TMPRSS7: variants seen among roughly 807,000 people sequenced by gnomAD.
TMPRSS7 encodes transmembrane protease serine 7.
In TMPRSS7, 81 loss-of-function variants were observed where a neutral mutation model predicts 95.6. The ratio of observed to expected loss-of-function variants is 0.85; its 90% CI spans 0.71 to 1.02. The LOEUF is 1.02. Among genes scored for constraint, TMPRSS7 ranks in the 50% least tolerant of loss-of-function variants. The pLI, the probability that TMPRSS7 is intolerant of heterozygous loss-of-function variation, is 0.00. For synonymous variants in TMPRSS7, 364 were observed against 337.8 expected (o/e 1.08, Z -0.85); for missense variants, 945 against 955.2 (o/e 0.99, Z 0.14).
intron 17 of TMPRSS7, 103 bp from the exon 18 acceptor site, chr3:112,080,809 CAT>C: frequency 8.9e-7 from 1 of 1,125,284 alleles, no homozygotes; most frequent in East Asian, 2.8e-5. Flanking sequence ...CAAGCAAAAA[CAT>C]GTCATTAGAG....
chr3:112,049,866 TTAA>T, exon 8 of TMPRSS7: 4 of 1,541,928 alleles, frequency 2.6e-6, no homozygotes, highest in Non-Finnish European at 3.5e-6. Context: ...CACAAGAACA[TTAA>T]TGTCATTTGT....
At chr3:112,078,603 G>A in intron 16 of TMPRSS7, 139 bp from the exon 17 acceptor site, 1 of 1,112,778 alleles carries the variant, frequency 9.0e-7, no homozygotes, top group Non-Finnish European at 1.3e-6. Flanking sequence ...GCAAAATGAG[G>A]ATAATAGTAG....
intron 10 of TMPRSS7, among the ~76,000 whole-genome samples, chr3:112,058,775 T>C (rs1196047815): frequency 6.6e-6 from 1 of 152,226 alleles, no homozygotes; most frequent in African/African-American, 2.4e-5. Flanking sequence ...GATGTGTTTA[T>C]TGCTGCCTAA....
At position 112,045,947 on chromosome 3, in the gene TMPRSS7, A is replaced by G. The variant is rs1305483591; in HGVS notation, c.691+4A>G. On this transcript the variant is annotated splice_donor_region_variant and intron_variant, in intron 5 of 17. Coordinates refer to ENST00000452346, the Ensembl canonical transcript of TMPRSS7. ...ATGGACTCTGTGGTACTAAATGGTGATTGTTGGGTAATTTTCCTTTAGCAT... is the reference window on the plus strand; with the variant it reads ...ATGGACTCTGTGGTACTAAATGGTGGTTGTTGGGTAATTTTCCTTTAGCAT... The G allele has an allele frequency of 6.5e-7, 1 of 1,543,744 alleles. No homozygotes were observed. The highest frequency in any genetic ancestry group is 8.7e-7 in the Non-Finnish European group (1 of 1,142,994).
chr3:112,052,412 C>A (rs1165679454), intron 9 of TMPRSS7, among the ~76,000 whole-genome samples: 2 of 151,772 alleles, frequency 1.3e-5, no homozygotes, highest in Non-Finnish European at 2.9e-5. Context: ...AAAATAATTT[C>A]ATTACTCTAC....
At position 112,042,058 on chromosome 3, in the gene TMPRSS7, G is replaced by A. The variant is rs1416047089; in HGVS notation, c.429+8G>A. ...CGGACTGTGCAGCAAGTGGTGAGGC[G>A]ATGGAGGTAGAGGGTATTAGGGTAG... On this transcript the variant is annotated splice_region_variant and intron_variant, in intron 3 of 17. Transcript: ENST00000452346. 9.0e-6 allele frequency: 14 copies of A among 1,550,840 alleles called. No homozygotes were observed. Among genetic ancestry groups the A allele is most frequent in the South Asian group, 2.4e-5 (2 of 84,034 alleles).
intron 10 of TMPRSS7, among the ~76,000 whole-genome samples, chr3:112,061,550 G>C (rs973879002): frequency 1.3e-5 from 2 of 152,160 alleles, no homozygotes; most frequent in Non-Finnish European, 2.9e-5. Context: ...TGATGGTGAG[G>C]AAAGCAACAG....
chr3:112,054,728 G>GGTTTTT (rs1357112428), intron 9 of TMPRSS7, among the ~76,000 whole-genome samples: 1 of 37,616 alleles, frequency 2.7e-5, no homozygotes, highest in Non-Finnish European at 6.3e-5. Flanking sequence ...CTCTCAGTTT[G>GGTTTTT]CTTTTTTTTT....
chr3:112,064,256 T>G (rs2073547990), intron 12 of TMPRSS7, among the ~76,000 whole-genome samples: 1 of 152,232 alleles, frequency 6.6e-6, no homozygotes, highest in South Asian at 2.1e-4. Flanking sequence ...GCTCAGAATT[T>G]GCAGAGAAGT....
intron 1 of TMPRSS7, 139 bp downstream of exon 1, chr3:112,035,032 T>G (rs975222961): frequency 3.2e-6 from 2 of 618,308 alleles, no homozygotes; most frequent in Non-Finnish European, 5.7e-6. Context: ...AATTAATGGG[T>G]TTTACAAATG....
chr3:112,042,701 T>C (rs2073224795), intron 3 of TMPRSS7, among the ~76,000 whole-genome samples: 1 of 152,214 alleles, frequency 6.6e-6, no homozygotes, highest in South Asian at 2.1e-4. Flanking sequence ...TACAATAGAC[T>C]CAAAGTTAGC....
Position 112,051,551 on chromosome 3 carries a change from CTATCTATCTATCTATG to C in TMPRSS7, c.1203+784_1203+799del, listed in dbSNP as rs1222536296. Among the ~76,000 whole-genome samples the C allele has an allele frequency of 4.8e-4, 72 of 149,786 alleles. 1 individual carries two copies. The highest frequency in any genetic ancestry group is 1.2e-3 in the African/African-American group (47 of 39,906). On this transcript the variant is annotated intron_variant, in intron 9 of 17. Transcript: ENST00000452346. The stretch of plus-strand genomic sequence containing the variant: ...TCTATCTATCTATCTATCTATCTAT[CTATCTATCTATCTATG>C]TATCTATCTATCTATATCTATCTCT...
upstream of TMPRSS7, chr3:112,034,816 C>G: frequency 2.8e-6 from 2 of 702,600 alleles, no homozygotes; most frequent in South Asian, 3.0e-5. Context: ...TTGAGACACC[C>G]CTGGATGATC....
At chr3:112,066,447 C>T (rs1196783607) in exon 13 of TMPRSS7, 8 of 1,614,026 alleles carry the variant, frequency 5.0e-6, no homozygotes, top group African/African-American at 1.3e-5. Context: ...GCCCTCTCAT[C>T]TGTGATGGCT....
intron 11 of TMPRSS7, among the ~76,000 whole-genome samples, chr3:112,062,992 C>T (rs920879834): frequency 6.6e-6 from 1 of 152,106 alleles, no homozygotes; most frequent in Admixed American, 6.5e-5. Context: ...GGTTCGAGGC[C>T]AGTAAGTAAT....
At chr3:112,069,698 A>G (rs1475556182) in intron 13 of TMPRSS7, among the ~76,000 whole-genome samples, 1 of 151,874 alleles carries the variant, frequency 6.6e-6, no homozygotes, top group African/African-American at 2.4e-5. Context: ...TATTGAGTCT[A>G]TTTGATTCTT....
chr3:112,064,556 ACTGCCCAGG>A (rs1204880770), intron 12 of TMPRSS7, among the ~76,000 whole-genome samples: 1 of 143,172 alleles, frequency 7.0e-6, no homozygotes, highest in Non-Finnish European at 1.5e-5. Context: ...CTTTAATAAA[ACTGCCCAGG>A]CTGCCCAGGC....
exon 5 of TMPRSS7, chr3:112,045,831 A>C: frequency 1.3e-6 from 2 of 1,551,748 alleles, no homozygotes; most frequent in South Asian, 2.4e-5. Context: ...TCTTCTGTGA[A>C]GACTGTGTTG....
intron 9 of TMPRSS7, among the ~76,000 whole-genome samples, chr3:112,056,416 A>G (rs551132453): frequency 6.6e-6 from 1 of 152,344 alleles, no homozygotes; most frequent in Admixed American, 6.5e-5. Context: ...CATATCAGAC[A>G]TAATACAGAT....
Sources: gnomAD v4.1 joint callset for allele counts (sites outside exome capture counted in the v4.1 genomes callset) on GRCh38, gnomAD v4.1.1 for gene constraint, MANE v1.5 for transcripts, NCBI Gene and HGNC (gene_info 2026-07-23, HGNC 2026-07-21) for gene names.